Variants in BLOC1S5 observed in about 807,000 individuals in gnomAD.
BLOC1S5 encodes the protein biogenesis of lysosome-related organelles complex 1 subunit 5.
BLOC1S5 carries 27 observed loss-of-function variants against 24.3 expected under a neutral mutation model. That is an observed-to-expected ratio of 1.11 (90% CI 0.82 to 1.53). The LOEUF (loss-of-function observed/expected upper bound fraction) is 1.53, where lower values mean the gene tolerates loss of function less well. BLOC1S5 is among the 40% of genes most tolerant of loss of function. The pLI is 0.00. For missense variants in BLOC1S5, 239 were observed against 229.4 expected, an observed-to-expected ratio of 1.04 and a Z score of -0.27; for synonymous variants, 84 against 74.5, an observed-to-expected ratio of 1.13 and a Z score of -0.66.
intron 4 of BLOC1S5, 101 bp downstream of exon 4, chr6:8,026,266 A>G (rs1184249819): frequency 1.1e-6 from 1 of 913,192 alleles, no homozygotes; most frequent in Non-Finnish European, 1.7e-6. Flanking sequence ...AATATGTAAA[A>G]CTCACTGCAT....
At chr6:8,019,607 AG>A (rs34841856) in intron 4 of BLOC1S5, among the ~76,000 whole-genome samples, 64,665 of 145,736 alleles carry the variant, frequency 0.44, 14,517 homozygotes, top group East Asian at 0.73. Flanking sequence ...TAAAGAAAAA[AG>A]GGGGGGGGGG....
At chr6:8,046,697 G>T (rs1763910735) in intron 2 of BLOC1S5, among the ~76,000 whole-genome samples, 1 of 151,956 alleles carries the variant, frequency 6.6e-6, no homozygotes, top group African/African-American at 2.4e-5. Flanking sequence ...ATTCCCTCTA[G>T]ATTATTTTGA....
chr6:8,019,609 G>C lies in BLOC1S5; in HGVS notation c.385-3781C>G, dbSNP rs2038347. On this transcript the variant is annotated intron_variant, in intron 4 of 4. Transcript: ENST00000397457. ...TTACAACAATCAGTAAAGAAAAAAG[G>C]GGGGGGGGGCGCCTATACATTCATG... is the stretch of plus-strand genomic sequence containing the variant. Among the ~76,000 whole-genome samples the C allele has an allele frequency of 8.0e-3, 332 of 41,546 alleles. 2 individuals are homozygous for C. In the East Asian group the frequency reaches 0.098, roughly 12 times the overall value. 27.3% of individuals were successfully genotyped at this position (41,546 alleles called of 152,430 possible).
At chr6:8,062,051 A>G (rs752832502) in intron 2 of BLOC1S5, among the ~76,000 whole-genome samples, 2 of 152,202 alleles carry the variant, frequency 1.3e-5, no homozygotes, top group Non-Finnish European at 2.9e-5. Flanking sequence ...ACCTGTCAGA[A>G]AGAATCGACA....
At chr6:8,040,014 T>C (rs78536942) in intron 3 of BLOC1S5, among the ~76,000 whole-genome samples, 5,961 of 152,144 alleles carry the variant, frequency 0.039, 371 homozygotes, top group African/African-American at 0.13. Flanking sequence ...ACTAACAAAG[T>C]AGACTGAGAA....
intron 2 of BLOC1S5, among the ~76,000 whole-genome samples, chr6:8,052,059 C>T (rs112589800): frequency 0.014 from 2,112 of 151,210 alleles, 16 homozygotes; most frequent in Non-Finnish European, 0.021. Flanking sequence ...CTCCGCCTCC[C>T]GGGTTCACGC....
rs575199695 is a variant in BLOC1S5, at chr6:8,016,110, C to G, written c.385-282G>C. 2.6e-5 allele frequency among the ~76,000 whole-genome samples: 4 copies of G among 152,276 alleles called. No individual in the cohort carries two copies. In the East Asian group the frequency reaches 7.8e-4, roughly 30 times the overall value. On this transcript the variant is annotated intron_variant, in intron 4 of 4. Transcript: ENST00000397457. ...GGAGGCCGAAGCCGGTGGATCACCTCAAGTAAGGAGTTTGAGACCAGCCTG... is the reference window on the plus strand; with the variant it reads ...GGAGGCCGAAGCCGGTGGATCACCTGAAGTAAGGAGTTTGAGACCAGCCTG...
At chr6:8,056,070 C>T (rs1764293925) in intron 2 of BLOC1S5, among the ~76,000 whole-genome samples, 1 of 152,136 alleles carries the variant, frequency 6.6e-6, no homozygotes, top group Non-Finnish European at 1.5e-5. Context: ...CTTTTCTTAC[C>T]TTCTGCCTCC....
chr6:8,015,659 G>A lies in BLOC1S5; in HGVS notation c.554C>T (p.Ser185Leu). ...AEMEKDLAKF[S>L]TF ...TTGTGGTTCAAGTTCTTAAAAGGTT[G>A]AAAATTTCGCTAGGTCCTTCTCCAT... The change falls in exon 5 of 5, where the codon TCA (serine) becomes TTA (leucine). Residue 185 changes from serine to leucine, a missense_variant. By Grantham distance (145) the Ser-to-Leu change is moderately radical. Transcript: ENST00000397457. 6.2e-7 allele frequency: 1 copy of A among 1,610,112 alleles called. No homozygotes were observed. Among genetic ancestry groups the A allele is most frequent in the Non-Finnish European group, 8.5e-7 (1 of 1,178,804 alleles).
intron 4 of BLOC1S5, among the ~76,000 whole-genome samples, chr6:8,025,431 G>A (rs1296002665): frequency 2.0e-5 from 3 of 152,174 alleles, no homozygotes; most frequent in Non-Finnish European, 2.9e-5. Flanking sequence ...CTTCATCCAG[G>A]AGCTCAGCTG....
At position 8,019,207 on chromosome 6, in the gene BLOC1S5, A is replaced by T. The variant is rs1041063352; in HGVS notation, c.385-3379T>A. On this transcript the variant is annotated intron_variant, in intron 4 of 4. Coordinates refer to ENST00000397457, the MANE Select transcript of BLOC1S5 (RefSeq NM_201280.3). ...TGCTCCCTTATCAAGAAGTTCTTAC[A>T]GTCACTCCACGCTATCGTTTCCTAG... Among the ~76,000 whole-genome samples, 3 of 151,984 alleles carry T rather than the reference A, an allele frequency of 2.0e-5. No homozygotes were observed. In the East Asian group the frequency reaches 5.8e-4, roughly 29 times the overall value.
intron 3 of BLOC1S5, among the ~76,000 whole-genome samples, chr6:8,034,578 T>G (rs1287423587): frequency 6.6e-6 from 1 of 152,078 alleles, no homozygotes; most frequent in Non-Finnish European, 1.5e-5. Flanking sequence ...TACCTATGTA[T>G]CAAACCTGCA....
At chr6:8,016,752 G>C (rs1330680601) in intron 4 of BLOC1S5, among the ~76,000 whole-genome samples, 1 of 151,490 alleles carries the variant, frequency 6.6e-6, no homozygotes, top group Non-Finnish European at 1.5e-5. Context: ...TGTGATCCCA[G>C]GGCCTGTGAT....
At chr6:8,043,880 G>A (rs1415513395) in intron 2 of BLOC1S5, among the ~76,000 whole-genome samples, 1 of 152,118 alleles carries the variant, frequency 6.6e-6, no homozygotes, top group Non-Finnish European at 1.5e-5. Flanking sequence ...AATCATGGGG[G>A]CCCGTCTTTC....
intron 2 of BLOC1S5, among the ~76,000 whole-genome samples, chr6:8,057,440 C>A (rs1377732105): frequency 6.6e-6 from 1 of 152,130 alleles, no homozygotes; most frequent in East Asian, 1.9e-4. Flanking sequence ...TTGTTTCTGG[C>A]ATGAAAATTC....
In BLOC1S5 at chr6:8,050,280, G is replaced by A. The variant is rs182644493; in HGVS notation, c.196-9012C>T. On this transcript the variant is annotated intron_variant, in intron 2 of 4. Coordinates refer to ENST00000397457, the MANE Select transcript of BLOC1S5 (RefSeq NM_201280.3). ...GTTACTGTTGTCATAGTTTTGGGGC[G>A]CCACAAACCACAATCACATAAGACC... Among the ~76,000 whole-genome samples the A allele has an allele frequency of 7.2e-5, 11 of 152,152 alleles. 1 individual carries two copies. Among genetic ancestry groups the A allele is most frequent in the South Asian group, 6.2e-4 (3 of 4,824 alleles).
At chr6:8,023,976 C>T (rs906575521) in intron 4 of BLOC1S5, among the ~76,000 whole-genome samples, 2 of 152,046 alleles carry the variant, frequency 1.3e-5, no homozygotes, top group Non-Finnish European at 1.5e-5. Flanking sequence ...AAGTTTATTG[C>T]TCCAATAAGA....
At chr6:8,021,321 G>A (rs894785412) in intron 4 of BLOC1S5, among the ~76,000 whole-genome samples, 5 of 152,202 alleles carry the variant, frequency 3.3e-5, no homozygotes, top group African/African-American at 7.2e-5. Context: ...TCTGTGGGCC[G>A]GGTGCGGTGG....
At chr6:8,055,717 G>T (rs899458251) in intron 2 of BLOC1S5, among the ~76,000 whole-genome samples, 3 of 152,070 alleles carry the variant, frequency 2.0e-5, no homozygotes, top group Admixed American at 6.5e-5. Context: ...ATTGTGAAAG[G>T]GTGTTTTGGT....
Sources: gnomAD v4.1 joint callset for allele counts (sites outside exome capture counted in the v4.1 genomes callset) on GRCh38, gnomAD v4.1.1 for gene constraint, MANE v1.5 for transcripts, NCBI Gene and HGNC (gene_info 2026-07-23, HGNC 2026-07-21) for gene names.